RABGAP1: variants seen among roughly 807,000 people sequenced by gnomAD.
RABGAP1 encodes the protein rab GTPase-activating protein 1.
In RABGAP1, 23 loss-of-function variants were observed where a neutral mutation model predicts 137.6. The ratio of observed to expected loss-of-function variants is 0.17; its 90% CI spans 0.12 to 0.24. The LOEUF (loss-of-function observed/expected upper bound fraction) is 0.24. Among genes scored for constraint, RABGAP1 ranks in the 10% least tolerant of loss-of-function variants. The probability of loss-of-function intolerance (pLI) is 1.00; values close to 1 mark genes in which losing one functional copy is unlikely to be tolerated. For synonymous variants in RABGAP1, 451 were observed against 450.7 expected (o/e 1.00, Z -0.01); for missense variants, 906 against 1,275.8 (o/e 0.71, Z 4.42).
intron 3 of RABGAP1, among the ~76,000 whole-genome samples, chr9:122,985,672 C>G (rs1588215703): frequency 7.0e-6 from 1 of 143,218 alleles, no homozygotes; most frequent in Non-Finnish European, 1.5e-5. Context: ...TGAAGAAATA[C>G]TAAATGTATA....
At chr9:123,103,044 C>G in intron 25 of RABGAP1, 47 bp from the exon 26 acceptor site, 1 of 1,598,244 alleles carries the variant, frequency 6.3e-7, no homozygotes, top group Non-Finnish European at 8.5e-7. Context: ...GAGCCAGTGT[C>G]ATTGACACCA....
chr9:122,986,519 T>G (rs1402338613), intron 4 of RABGAP1, 100 bp downstream of exon 4: 29 of 1,267,802 alleles, frequency 2.3e-5, no homozygotes, highest in Non-Finnish European at 3.1e-5. Flanking sequence ...TTAATAGTTA[T>G]TTTACTTGTG....
chr9:123,084,451 C>G (rs777220015), intron 19 of RABGAP1, among the ~76,000 whole-genome samples: 1 of 152,192 alleles, frequency 6.6e-6, no homozygotes, highest in Non-Finnish European at 1.5e-5. Context: ...GCTTCTCTCT[C>G]GCCATGCAGA....
intron 9 of RABGAP1, 135 bp from the exon 10 acceptor site, chr9:122,998,462 T>G (rs1471409289): frequency 1.4e-6 from 1 of 719,786 alleles, no homozygotes; most frequent in Non-Finnish European, 2.2e-6. Context: ...TCTAGTTATT[T>G]TACATGTTTA....
At chr9:122,934,081 C>CTTTTT in the RABGAP1 span, among the ~76,000 whole-genome samples, 5 of 139,680 alleles carry the variant, frequency 3.6e-5, no homozygotes, top group African/African-American at 5.4e-5. Context: ...CTTTTCTTTT[C>CTTTTT]TTTTTTTTTT....
At position 123,065,375 on chromosome 9, in the gene RABGAP1, C is replaced by T. The variant is rs144231846; in HGVS notation, c.1822C>T (p.Arg608Trp). Residue 608 changes from arginine to tryptophan, a missense_variant, in exon 14 of 26, where the codon CGG becomes TGG. Physicochemically the swap from Arg to Trp is moderately radical, Grantham distance 101 (BLOSUM62 -3). Coordinates refer to ENST00000373647, the MANE Select transcript of RABGAP1 (RefSeq NM_012197.4). ...KESPQDSAIT[R>W]DINRTFPAHD... ...GTCTCCCCAGGACAGTGCTATCACC[C>T]GGGATATTAACCGAACATTCCCAGC... 11 of 1,612,536 alleles carry T rather than the reference C, an allele frequency of 6.8e-6. No individual in the cohort carries two copies. Among genetic ancestry groups the T allele is most frequent in the African/African-American group, 2.7e-5 (2 of 74,766 alleles).
chr9:123,035,169 C>T (rs1450414709), intron 13 of RABGAP1: 3 of 1,613,728 alleles, frequency 1.9e-6, no homozygotes, highest in Non-Finnish European at 1.7e-6. Context: ...TGTTATATGC[C>T]CCAGCAGCCC....
chr9:122,932,747 G>C, the RABGAP1 span, among the ~76,000 whole-genome samples: 3 of 151,972 alleles, frequency 2.0e-5, no homozygotes, highest in Non-Finnish European at 4.4e-5. Flanking sequence ...GGTCAGGCTG[G>C]TGTCGAACTC....
intron 2 of RABGAP1, among the ~76,000 whole-genome samples, chr9:122,972,154 T>C (rs914400521): frequency 6.6e-6 from 1 of 152,176 alleles, no homozygotes; most frequent in African/African-American, 2.4e-5. Flanking sequence ...CTCTGCCCAT[T>C]GTAGTGGCAC....
In RABGAP1 at chr9:123,103,026, C is replaced by T. The variant is rs577981691; in HGVS notation, c.3088-65C>T. ...TAGACTGCATTCTTGTCTTGGTTCTCCTCTGGGGAGCCAGTGTCATTGACA... is the reference window on the plus strand; with the variant it reads ...TAGACTGCATTCTTGTCTTGGTTCTTCTCTGGGGAGCCAGTGTCATTGACA... On this transcript the variant is annotated intron_variant, in intron 25 of 25. Transcript: ENST00000373647. The T allele has an allele frequency of 2.4e-5, 38 of 1,573,566 alleles. No homozygotes were observed. In the East Asian group the frequency reaches 7.2e-4, roughly 30 times the overall value.
intron 13 of RABGAP1, among the ~76,000 whole-genome samples, chr9:123,055,282 C>T (rs1366991828): frequency 6.6e-6 from 1 of 152,174 alleles, no homozygotes; most frequent in Non-Finnish European, 1.5e-5. Context: ...GCTTTGACCC[C>T]CCAGGCTCAA....
At chr9:122,967,025 AC>A (rs1835195436) in intron 2 of RABGAP1, among the ~76,000 whole-genome samples, 17 of 152,208 alleles carry the variant, frequency 1.1e-4, no homozygotes, top group Admixed American at 1.1e-3. Flanking sequence ...TGGGGGAGTT[AC>A]AATTCAAAAT....
At chr9:122,994,689 C>T (rs1836926357) in intron 6 of RABGAP1, among the ~76,000 whole-genome samples, 2 of 152,158 alleles carry the variant, frequency 1.3e-5, no homozygotes, top group African/African-American at 4.8e-5. Context: ...TTGCCATTAT[C>T]TTAAAGTTGT....
chr9:123,030,389 G>A (rs1216378003), intron 13 of RABGAP1, among the ~76,000 whole-genome samples: 2 of 152,078 alleles, frequency 1.3e-5, no homozygotes, highest in Admixed American at 1.3e-4. Flanking sequence ...AAGCTATAAA[G>A]AAGAAAGATT....
At chr9:123,035,580 TAGAAGC>T in intron 13 of RABGAP1, 1 of 1,604,222 alleles carries the variant, frequency 6.2e-7, no homozygotes. Flanking sequence ...CTTACACAGT[TAGAAGC>T]AAAGGCCCTC....
chr9:122,981,024 TTTG>T (rs145998509), intron 2 of RABGAP1, among the ~76,000 whole-genome samples: 48 of 151,902 alleles, frequency 3.2e-4, no homozygotes, highest in Non-Finnish European at 4.4e-4. Context: ...GTGGAGGTTT[TTTG>T]TTGTTGTTGT....
intron 13 of RABGAP1, among the ~76,000 whole-genome samples, chr9:123,043,027 A>G (rs528214100): frequency 6.6e-6 from 1 of 152,302 alleles, no homozygotes; most frequent in Non-Finnish European, 1.5e-5. Flanking sequence ...TAGCTTCAGA[A>G]TTTTGAGGAG....
chr9:122,987,207 A>G (rs1836419186), intron 4 of RABGAP1, among the ~76,000 whole-genome samples: 1 of 152,220 alleles, frequency 6.6e-6, no homozygotes, highest in Admixed American at 6.5e-5. Flanking sequence ...TTATACTAAT[A>G]GAACAAATAA....
In RABGAP1 at chr9:122,986,282, T is replaced by G; in HGVS notation, c.453T>G (p.Thr151=). 6.2e-7 allele frequency: 1 copy of G among 1,614,192 alleles called. No homozygotes were observed. The change falls in exon 4 of 26, where the codon ACT becomes ACG. Residue 151 remains threonine (T), a synonymous_variant. Transcript: ENST00000373647. ...ACAGCGTAGTTTTCAGTAAACTGACTTACTTAGGCTGTGCCTCGGTAAATG... is the reference window on the plus strand; with the variant it reads ...ACAGCGTAGTTTTCAGTAAACTGACGTACTTAGGCTGTGCCTCGGTAAATG... ...DEDSVVFSKL[T]YLGCASVNAP...
Sources: allele counts gnomAD v4.1 joint callset (sites outside exome capture counted in the v4.1 genomes callset), GRCh38; gene constraint gnomAD v4.1.1; transcripts MANE v1.5; gene names NCBI Gene and HGNC (gene_info 2026-07-23, HGNC 2026-07-21).